The following VPS13A variants were observed in gnomAD, a reference collection of about 807,000 sequenced individuals.
VPS13A encodes intermembrane lipid transfer protein VPS13A.
Under a neutral mutation model 390.9 loss-of-function variants are expected in VPS13A, and 264 were observed. The ratio of observed to expected loss-of-function variants is 0.68; its 90% confidence interval spans 0.61 to 0.75. The LOEUF (loss-of-function observed/expected upper bound fraction) is 0.75, where lower values mean the gene tolerates loss of function less well. Ranked by LOEUF, VPS13A falls within the 30% of genes least tolerant of loss-of-function variation. VPS13A has a pLI of 0.00. For synonymous variants in VPS13A, 1,231 were observed against 1,227.1 expected (o/e 1.00, Z -0.07); for missense variants, 3,409 against 3,733.9 (o/e 0.91, Z 2.27).
In VPS13A at chr9:77,205,397, T is replaced by C; in HGVS notation, c.272T>C (p.Val91Ala). ...AVLEEIYLLI[V>A]PSSRIKYDPL... ...TTGGAAGAAATTTATTTACTTATAG[T>C]GCCTTCTTCTAGTAAGTTAAATTTA... Residue 91 changes from valine (V) to alanine (A), a missense_variant, in exon 4 of 72, where the codon GTG becomes GCG. Transcript: ENST00000360280. 2 of 1,413,086 alleles carry C rather than the reference T, an allele frequency of 1.4e-6. No individual in the cohort carries two copies. Among genetic ancestry groups the C allele is most frequent in the Non-Finnish European group, 1.9e-6 (2 of 1,063,944 alleles). 87.5% of individuals were successfully genotyped at this position (1,413,086 alleles called of 1,614,324 possible).
rs1190229835 is a variant in VPS13A at position 77,206,070 on chromosome 9, G to A, written c.376G>A (p.Val126Ile). 2.5e-6 allele frequency: 4 copies of A among 1,568,880 alleles called. No homozygotes were observed. The highest frequency in any genetic ancestry group is 3.5e-6 in the Non-Finnish European group (4 of 1,153,838). Residue 126 changes from valine (V) to isoleucine (I), a missense_variant, in exon 5 of 72, where the codon GTT becomes ATT. Val to Ile is a conservative substitution (Grantham distance 29). This residue lies in a region of VPS13A where 2,717 missense variants were observed against 2,917.4 expected (regional missense o/e 0.93). Transcript: ENST00000360280. ...KRIEEAKQKV[V>I]DQEQHLPEKQ... ...AATAGAAGAAGCAAAACAAAAAGTA[G>A]TTGATCAAGGTAAAGAAAACAGTAA... is the stretch of plus-strand genomic sequence containing the variant.
chr9:77,212,950 T>G lies in VPS13A; in HGVS notation c.556-19T>G, dbSNP rs1376640992. The G allele has an allele frequency of 6.2e-7, 1 of 1,613,580 alleles. No individual in the cohort carries two copies. On this transcript the variant is annotated intron_variant, in intron 7 of 71. Transcript: ENST00000360280. ...AATGGAATGACCTTTTTACTGCCAT[T>G]GTTTTTTTTCCTTTTCAGACAACTG... is the stretch of plus-strand genomic sequence containing the variant.
chr9:77,221,113 A>G (rs570888384), intron 12 of VPS13A, 72 bp from the exon 13 acceptor site: 190 of 1,396,316 alleles, frequency 1.4e-4, no homozygotes, highest in Admixed American at 2.0e-4. Context: ...ATGTTGTTAG[A>G]GTAGAAGCAA....
At chr9:77,254,657 A>G (rs903785097) in intron 22 of VPS13A, among the ~76,000 whole-genome samples, 9 of 152,226 alleles carry the variant, frequency 5.9e-5, no homozygotes, top group Non-Finnish European at 1.3e-4. Flanking sequence ...GTTATAGTCC[A>G]TGAACATGGA....
chr9:77,213,013 G>T lies in VPS13A; in HGVS notation c.600G>T (p.Glu200Asp). 1 of 1,613,914 alleles carries T rather than the reference G, an allele frequency of 6.2e-7. No individual in the cohort carries two copies. Among genetic ancestry groups the T allele is most frequent in the Non-Finnish European group, 8.5e-7 (1 of 1,179,952 alleles). ...YWVPCLHDET[E>D]KLVRKLIRLD... ...TTCCATGTTTACATGATGAAACTGA[G>T]AAACTGGTTCGTAAGGTAAATAAAT... Residue 200 changes from glutamate (E) to aspartate (D), a missense_variant, in exon 8 of 72, where the codon GAG becomes GAT. By Grantham distance (45) the Glu-to-Asp change is conservative. Transcript: ENST00000360280.
In VPS13A at chr9:77,337,535, G is replaced by C. The variant is rs759012702; in HGVS notation, c.6376G>C (p.Glu2126Gln). The stretch of plus-strand genomic sequence containing the variant: ...TCCTTACAAAATTGCTTATTATATA[G>C]AGGTATCGGCAAACTGATTTAGTGC... Reference protein sequence around the residue: ...LLPYKIAYYIEGIENSVFTLS... With the variant: ...LLPYKIAYYIQGIENSVFTLS... Residue 2126 changes from glutamate (E) to glutamine (Q), a missense_variant and splice_region_variant, in exon 47 of 72, where the codon GAG (glutamate) becomes CAG (glutamine). This residue lies in a region of VPS13A where 2,717 missense variants were observed against 2,917.4 expected (regional missense o/e 0.93). Coordinates refer to ENST00000360280, the MANE Select transcript of VPS13A (RefSeq NM_033305.3). 6.2e-7 allele frequency: 1 copy of C among 1,611,342 alleles called. No homozygotes were observed. Among genetic ancestry groups the C allele is most frequent in the South Asian group, 1.1e-5 (1 of 90,302 alleles).
chr9:77,368,712 T>C (rs1243842294), intron 62 of VPS13A, among the ~76,000 whole-genome samples: 1 of 152,156 alleles, frequency 6.6e-6, no homozygotes, highest in African/African-American at 2.4e-5. Context: ...AAAACGGTGG[T>C]GGTAATGACA....
At chr9:77,192,638 T>A (rs935219813) in intron 1 of VPS13A, among the ~76,000 whole-genome samples, 5 of 152,236 alleles carry the variant, frequency 3.3e-5, no homozygotes, top group Admixed American at 2.6e-4. Context: ...GGTTGGAATT[T>A]CTTTTCTTTA....
chr9:77,284,415 T>A (rs940390640), intron 31 of VPS13A, among the ~76,000 whole-genome samples: 8 of 152,220 alleles, frequency 5.3e-5, no homozygotes, highest in African/African-American at 1.9e-4. Context: ...ATTTCTAATA[T>A]CTTCTTGTTA....
intron 52 of VPS13A, among the ~76,000 whole-genome samples, chr9:77,346,168 A>G (rs1831141231): frequency 6.6e-6 from 1 of 151,872 alleles, no homozygotes; most frequent in Non-Finnish European, 1.5e-5. Flanking sequence ...CACCACATCC[A>G]TGTTAACATC....
At chr9:77,275,952 AAAT>A (rs879896467) in intron 25 of VPS13A, 110 bp from the exon 26 acceptor site, 7 of 1,146,930 alleles carry the variant, frequency 6.1e-6, no homozygotes, top group Non-Finnish European at 8.7e-6. Context: ...CCTAAATTTT[AAAT>A]AATAATATAT....
chr9:77,206,494 C>T (rs998798321), intron 5 of VPS13A, among the ~76,000 whole-genome samples: 2 of 152,002 alleles, frequency 1.3e-5, no homozygotes, highest in Non-Finnish European at 2.9e-5. Flanking sequence ...AGTTTCTTGA[C>T]ATATTTCTAT....
intron 67 of VPS13A, among the ~76,000 whole-genome samples, chr9:77,379,040 G>A (rs963401664): frequency 1.5e-4 from 20 of 136,556 alleles, no homozygotes; most frequent in African/African-American, 5.2e-4. Flanking sequence ...ATGTGGTCAG[G>A]TATCATACTT....
At chr9:77,237,078 C>CA (rs1416695988) in intron 17 of VPS13A, among the ~76,000 whole-genome samples, 1 of 151,914 alleles carries the variant, frequency 6.6e-6, no homozygotes, top group Non-Finnish European at 1.5e-5. Context: ...TTAGTAAAGA[C>CA]AGAGTTTCAC....
intron 52 of VPS13A, among the ~76,000 whole-genome samples, chr9:77,350,301 G>C (rs1284918613): frequency 6.6e-6 from 1 of 152,028 alleles, no homozygotes; most frequent in African/African-American, 2.4e-5. Context: ...TTTCATTCAA[G>C]GCCCTTTTGG....
rs181505098 is a variant in VPS13A at position 77,284,485 on chromosome 9, A to G, written c.3339+835A>G. Among the ~76,000 whole-genome samples, 4 of 152,352 alleles carry G rather than the reference A, an allele frequency of 2.6e-5. No homozygotes were observed. In the East Asian group the frequency reaches 7.7e-4, roughly 29 times the overall value. ...CATCAAAAAGAAGTGACTCATAGCA[A>G]TAAGGAACAAGAAATTTTCCAGAAG... On this transcript the variant is annotated intron_variant, in intron 31 of 71. Transcript: ENST00000360280.
At chr9:77,277,660 G>A (rs1418496865) in intron 26 of VPS13A, among the ~76,000 whole-genome samples, 1 of 152,026 alleles carries the variant, frequency 6.6e-6, no homozygotes, top group Non-Finnish European at 1.5e-5. Context: ...TCACATAATT[G>A]GAATCATATA....
In VPS13A at chr9:77,276,122, C is replaced by G. The variant is rs1184793124; in HGVS notation, c.2725C>G (p.Leu909Val). Residue 909 changes from leucine to valine, a missense_variant, in exon 26 of 72, where the codon CTT (leucine) becomes GTT (valine). This residue lies in a region of VPS13A where 2,717 missense variants were observed against 2,917.4 expected (regional missense o/e 0.93). Coordinates refer to ENST00000360280, the MANE Select transcript of VPS13A (RefSeq NM_033305.3). ...GDCELSVVEILVLGLGAEIEI... is the reference protein window; with the variant it reads ...GDCELSVVEIVVLGLGAEIEI... ...TTGTGAACTATCTGTGGTAGAAATT[C>G]TTGTTTTAGGATTGGGTGCAGAAAT... 5.6e-6 allele frequency: 9 copies of G among 1,612,930 alleles called. No individual in the cohort carries two copies. The highest frequency in any genetic ancestry group is 7.6e-6 in the Non-Finnish European group (9 of 1,179,634).
intron 68 of VPS13A, among the ~76,000 whole-genome samples, chr9:77,394,892 T>C (rs140012674): frequency 2.5e-3 from 380 of 152,322 alleles, no homozygotes; most frequent in Non-Finnish European, 2.4e-3. Context: ...TCAGCCTTCA[T>C]ATAATTGAAG....
Sources: allele counts gnomAD v4.1 joint callset (sites outside exome capture counted in the v4.1 genomes callset), GRCh38; gene constraint gnomAD v4.1.1; regional missense constraint gnomAD v4.1.1; transcripts MANE v1.5; gene names NCBI Gene and HGNC (gene_info 2026-07-23, HGNC 2026-07-21).